BCAT1: variants seen among roughly 807,000 people sequenced by gnomAD.
The protein encoded by BCAT1 is branched-chain-amino-acid aminotransferase, cytosolic.
Under a neutral mutation model 52.4 loss-of-function variants are expected in BCAT1, and 48 were observed. That is an observed-to-expected ratio of 0.92 (90% CI 0.73 to 1.16). The LOEUF (loss-of-function observed/expected upper bound fraction) is 1.16. Ranked by LOEUF, BCAT1 falls within the 50% of genes most tolerant of loss-of-function variation. BCAT1 has a pLI of 0.00. For synonymous variants in BCAT1, 167 were observed against 161.3 expected, an observed-to-expected ratio of 1.04 and a Z score of -0.27; for missense variants, 451 against 457.1, an observed-to-expected ratio of 0.99 and a Z score of 0.12.
At chr12:24,926,655 T>C (rs1943593115) in intron 1 of BCAT1, among the ~76,000 whole-genome samples, 1 of 152,210 alleles carries the variant, frequency 6.6e-6, no homozygotes, top group Non-Finnish European at 1.5e-5. Flanking sequence ...TCTATGACCT[T>C]ACCCCCAACC....
intron 1 of BCAT1, among the ~76,000 whole-genome samples, chr12:24,904,971 GT>G (rs1943204209): frequency 6.6e-6 from 1 of 152,248 alleles, no homozygotes; most frequent in Non-Finnish European, 1.5e-5. Context: ...CTTTCAGCAA[GT>G]GATCCTTGAG....
At chr12:24,820,480 G>C (rs969379560) in intron 10 of BCAT1, among the ~76,000 whole-genome samples, 1 of 152,114 alleles carries the variant, frequency 6.6e-6, no homozygotes, top group African/African-American at 2.4e-5. Flanking sequence ...GGAGGGAAAA[G>C]AGAAAACATG....
At chr12:24,841,393 A>G (rs1229109113) in intron 7 of BCAT1, among the ~76,000 whole-genome samples, 1 of 152,242 alleles carries the variant, frequency 6.6e-6, no homozygotes, top group East Asian at 1.9e-4. Flanking sequence ...TATACGGTAT[A>G]TGGTGAATGA....
At chr12:24,933,513 T>A (rs1217023029) in intron 1 of BCAT1, among the ~76,000 whole-genome samples, 1 of 151,920 alleles carries the variant, frequency 6.6e-6, no homozygotes, top group Non-Finnish European at 1.5e-5. Context: ...TCTGATATGG[T>A]TTGGTTTGGC....
At chr12:24,885,730 A>G (rs1475192900) in intron 3 of BCAT1, among the ~76,000 whole-genome samples, 1 of 152,200 alleles carries the variant, frequency 6.6e-6, no homozygotes, top group Non-Finnish European at 1.5e-5. Flanking sequence ...ATAGAGATCC[A>G]GAAGCAAACT....
intron 3 of BCAT1, among the ~76,000 whole-genome samples, chr12:24,886,743 A>G (rs541474724): frequency 6.6e-6 from 1 of 151,178 alleles, no homozygotes; most frequent in Non-Finnish European, 1.5e-5. Context: ...ATAATGACTG[A>G]GCCAGCACTT....
intron 5 of BCAT1, among the ~76,000 whole-genome samples, chr12:24,864,552 A>C (rs1941948480): frequency 2.6e-5 from 4 of 152,144 alleles, no homozygotes; most frequent in Admixed American, 6.5e-5. Context: ...TAGAAGGAGA[A>C]CTATGATAGG....
At chr12:24,892,004 G>C (rs764401512) in intron 3 of BCAT1, among the ~76,000 whole-genome samples, 5 of 151,432 alleles carry the variant, frequency 3.3e-5, no homozygotes, top group Non-Finnish European at 7.4e-5. Context: ...TGATCCGCCC[G>C]CCTTGGCCTC....
rs775312425 is a variant in BCAT1 at position 24,881,348 on chromosome 12, G to A, written c.343C>T (p.Leu115Phe). The A allele has an allele frequency of 3.1e-6, 5 of 1,613,476 alleles. No individual in the cohort carries two copies. In the East Asian group the frequency reaches 1.1e-4, roughly 36 times the overall value. ...GAGCGATACATTCTATCCATGTTGA[G>A]GTTTGGCTGAAACAGTCGAATTTTA... is the stretch of plus-strand genomic sequence containing the variant. ...DNKIRLFQPN[L>F]NMDRMYRSAV... Residue 115 changes from leucine (L) to phenylalanine (F), a missense_variant, in exon 4 of 11, where the codon CTC becomes TTC. Physicochemically the swap from Leu to Phe is conservative, Grantham distance 22. Coordinates refer to ENST00000261192, the MANE Select transcript of BCAT1 (RefSeq NM_005504.7).
chr12:24,834,626 T>C (rs750274600), intron 8 of BCAT1: 125 of 983,738 alleles, frequency 1.3e-4, no homozygotes, highest in Non-Finnish European at 1.4e-4. Context: ...TATTTGAATA[T>C]TTAAAAGAAG....
chr12:24,832,758 C>A lies in BCAT1; in HGVS notation c.1009G>T (p.Val337Phe). ...EMFGSGTACVVCPVSDILYKG... is the reference protein window; with the variant it reads ...EMFGSGTACVFCPVSDILYKG... ...TACAGTATATCAGAAACTGGGCAAACAACACAGGCTGTACCAGAGCCAAAC... is the reference window on the plus strand; with the variant it reads ...TACAGTATATCAGAAACTGGGCAAAAAACACAGGCTGTACCAGAGCCAAAC... Residue 337 changes from valine to phenylalanine, a missense_variant, in exon 9 of 11, where the codon GTT (valine) becomes TTT (phenylalanine). By Grantham distance (50) the Val-to-Phe change is conservative. Coordinates refer to ENST00000261192, the MANE Select transcript of BCAT1 (RefSeq NM_005504.7). 1 of 1,611,214 alleles carries A rather than the reference C, an allele frequency of 6.2e-7. No individual in the cohort carries two copies. The highest frequency in any genetic ancestry group is 8.5e-7 in the Non-Finnish European group (1 of 1,178,600).
At chr12:24,827,563 G>A (rs1940456465) in intron 10 of BCAT1, among the ~76,000 whole-genome samples, 1 of 152,172 alleles carries the variant, frequency 6.6e-6, no homozygotes, top group Admixed American at 6.5e-5. Context: ...AGGCTAAGGT[G>A]GGCAAATCAC....
In BCAT1 at chr12:24,832,677, T is replaced by A. The variant is rs1167315581; in HGVS notation, c.1044+46A>T. 1.9e-6 allele frequency: 3 copies of A among 1,539,368 alleles called. No homozygotes were observed. In the East Asian group the frequency reaches 7.0e-5, roughly 36 times the overall value. On this transcript the variant is annotated intron_variant, in intron 9 of 10. Coordinates refer to ENST00000261192, the MANE Select transcript of BCAT1 (RefSeq NM_005504.7). ...TTCATACACTTAAATTAAATGTAATTTAATGTGATTGGAAATGATAGGAAA... is the reference window on the plus strand; with the variant it reads ...TTCATACACTTAAATTAAATGTAATATAATGTGATTGGAAATGATAGGAAA...
intron 5 of BCAT1, among the ~76,000 whole-genome samples, chr12:24,853,468 T>C (rs573950676): frequency 6.6e-6 from 1 of 152,174 alleles, no homozygotes; most frequent in Admixed American, 6.5e-5. Context: ...AGGGGAAAAG[T>C]GTTTAGAAAT....
intron 5 of BCAT1, among the ~76,000 whole-genome samples, chr12:24,866,135 G>C (rs2133585): frequency 0.037 from 5,597 of 152,344 alleles, 351 homozygotes; most frequent in African/African-American, 0.13. Context: ...CTGGAGTTCC[G>C]GGTGGGAGTG....
chr12:24,869,816 C>G (rs1483071956), intron 5 of BCAT1, among the ~76,000 whole-genome samples: 3 of 152,216 alleles, frequency 2.0e-5, no homozygotes, highest in African/African-American at 7.2e-5. Flanking sequence ...ATGCTCTCAT[C>G]TTAACCATGT....
chr12:24,929,265 C>G (rs1943643841), intron 1 of BCAT1, among the ~76,000 whole-genome samples: 1 of 152,204 alleles, frequency 6.6e-6, no homozygotes, highest in Non-Finnish European at 1.5e-5. Flanking sequence ...CTAGCACTGT[C>G]CTTAAACTTT....
At chr12:24,915,345 G>C (rs557184633) in intron 1 of BCAT1, among the ~76,000 whole-genome samples, 26 of 151,618 alleles carry the variant, frequency 1.7e-4, no homozygotes, top group Non-Finnish European at 3.2e-4. Context: ...CAAAGATCAA[G>C]AAAAAAATTA....
At chr12:24,823,349 C>T (rs1940228446) in intron 10 of BCAT1, among the ~76,000 whole-genome samples, 1 of 152,200 alleles carries the variant, frequency 6.6e-6, no homozygotes, top group Admixed American at 6.5e-5. Flanking sequence ...GTTGGGATTA[C>T]AGGCGTAAGC....
Sources: allele counts gnomAD v4.1 joint callset (sites outside exome capture counted in the v4.1 genomes callset), GRCh38; gene constraint gnomAD v4.1.1; transcripts MANE v1.5; gene names NCBI Gene and HGNC (gene_info 2026-07-23, HGNC 2026-07-21).